The following AP4S1 variants were observed in gnomAD, a reference collection of about 807,000 sequenced individuals.
AP4S1 encodes adaptor related protein complex 4 subunit sigma 1, also known as AP-4 complex subunit sigma-1.
Under a neutral mutation model 19.8 loss-of-function variants are expected in AP4S1, and 23 were observed. That is an observed-to-expected ratio of 1.16 (90% confidence interval 0.84 to 1.65). The LOEUF is 1.65. AP4S1 is among the 40% of genes most tolerant of loss of function. The pLI, the probability that AP4S1 is intolerant of heterozygous loss-of-function variation, is 0.00. For synonymous variants in AP4S1, 46 were observed against 54.1 expected, an observed-to-expected ratio of 0.85 and a Z score of 0.66; for missense variants, 166 against 172.8, an observed-to-expected ratio of 0.96 and a Z score of 0.22.
chr14:31,072,328 G>A (rs930976756), intron 3 of AP4S1, among the ~76,000 whole-genome samples: 4 of 151,848 alleles, frequency 2.6e-5, no homozygotes, highest in Admixed American at 6.6e-5. Context: ...CTCCCACCTC[G>A]GCCTCCCAAA....
At chr14:31,045,557 G>A (rs561890157) in intron 1 of AP4S1, among the ~76,000 whole-genome samples, 2 of 152,194 alleles carry the variant, frequency 1.3e-5, no homozygotes, top group African/African-American at 4.8e-5. Flanking sequence ...TTGTAAGTTT[G>A]CGAGGCCTCC....
In AP4S1 at chr14:31,049,413, C is replaced by A. The variant is rs1350126049; in HGVS notation, c.-71-16713C>A. On this transcript the variant is annotated intron_variant, in intron 1 of 5. Transcript: ENST00000542754. ...TGGGTGACAGAGCAAGACTCGGTCT[C>A]AAAAAAAAAAAAAAAATATATATAT... Among the ~76,000 whole-genome samples, 107 of 43,482 alleles carry A rather than the reference C, an allele frequency of 2.5e-3. 1 individual carries two copies. The highest frequency in any genetic ancestry group is 2.6e-3 in the Non-Finnish European group (68 of 25,718). The allele number at this position is 43,482 out of a possible 152,430, so 28.5% of individuals were successfully genotyped here. A position where few individuals can be genotyped will look rare whatever the true frequency, so the allele number is the denominator to read the frequency against.
chr14:31,071,444 T>C (rs1886995888), intron 3 of AP4S1, among the ~76,000 whole-genome samples: 1 of 152,148 alleles, frequency 6.6e-6, no homozygotes, highest in Non-Finnish European at 1.5e-5. Flanking sequence ...CTTTTGGAGA[T>C]GGAATCTCAC....
chr14:31,029,848 A>C (rs12885360), intron 1 of AP4S1, among the ~76,000 whole-genome samples: 12 of 150,830 alleles, frequency 8.0e-5, no homozygotes, highest in Admixed American at 4.0e-4. Flanking sequence ...CCCTTCCCCC[A>C]CAAAAAAAAA....
intron 1 of AP4S1, among the ~76,000 whole-genome samples, chr14:31,041,919 C>T (rs962886755): frequency 1.3e-5 from 2 of 152,172 alleles, no homozygotes; most frequent in Non-Finnish European, 2.9e-5. Context: ...GCCTCCGCCT[C>T]CCAGGTTCAA....
intron 1 of AP4S1, among the ~76,000 whole-genome samples, chr14:31,027,653 C>T (rs1054278953): frequency 6.6e-6 from 1 of 152,148 alleles, no homozygotes; most frequent in African/African-American, 2.4e-5. Context: ...CAAAGCGAGA[C>T]TCCGTGTCGG....
At chr14:31,069,997 A>T in intron 3 of AP4S1, 68 bp downstream of exon 3, 1 of 1,342,424 alleles carries the variant, frequency 7.4e-7, no homozygotes, top group African/African-American at 1.4e-5. Flanking sequence ...AAGAATTATG[A>T]CTCTCTTGAT....
chr14:31,050,165 A>G lies in AP4S1; in HGVS notation c.-71-15961A>G, dbSNP rs539207321. Among the ~76,000 whole-genome samples, 32 of 151,968 alleles carry G rather than the reference A, an allele frequency of 2.1e-4. 1 individual carries two copies. Among genetic ancestry groups the G allele is most frequent in the Non-Finnish European group, 4.7e-4 (32 of 67,950 alleles). ...TCGAACTCCTGACCTCAGGTGATCCACCTGCCTTGGCCTCCCAAAGTGCTG... is the reference window on the plus strand; with the variant it reads ...TCGAACTCCTGACCTCAGGTGATCCGCCTGCCTTGGCCTCCCAAAGTGCTG... On this transcript the variant is annotated intron_variant, in intron 1 of 5. Transcript: ENST00000542754.
chr14:31,032,797 G>C (rs1282292408), intron 1 of AP4S1, among the ~76,000 whole-genome samples: 1 of 152,102 alleles, frequency 6.6e-6, no homozygotes, highest in East Asian at 1.9e-4. Flanking sequence ...GCCTCCCAAA[G>C]TGCTGGGATT....
intron 5 of AP4S1, among the ~76,000 whole-genome samples, chr14:31,080,933 G>A (rs1024930169): frequency 2.6e-5 from 4 of 151,922 alleles, no homozygotes; most frequent in African/African-American, 4.8e-5. Flanking sequence ...GAGGCATTAC[G>A]GGCGCCCACC....
chr14:31,048,451 A>G (rs573996554), intron 1 of AP4S1, among the ~76,000 whole-genome samples: 31 of 152,038 alleles, frequency 2.0e-4, no homozygotes, highest in Admixed American at 1.9e-3. Flanking sequence ...AGCCAGGACC[A>G]CGCACAGTGA....
At chr14:31,043,923 G>A (rs972979215) in intron 1 of AP4S1, among the ~76,000 whole-genome samples, 4 of 152,124 alleles carry the variant, frequency 2.6e-5, no homozygotes, top group Non-Finnish European at 5.9e-5. Flanking sequence ...ATGCTGATTA[G>A]ATGCTCTTAG....
At chr14:31,057,473 A>G (rs1170076628) in intron 1 of AP4S1, among the ~76,000 whole-genome samples, 1 of 152,240 alleles carries the variant, frequency 6.6e-6, no homozygotes, top group East Asian at 1.9e-4. Flanking sequence ...ATACGCCATC[A>G]GAAATATAAT....
upstream of AP4S1, chr14:31,025,644 G>A (rs571638493): frequency 1.0e-3 from 551 of 541,446 alleles, 8 homozygotes; most frequent in South Asian, 8.3e-3. Context: ...CCCCGCAGAC[G>A]CCATACTAAA....
At chr14:31,087,419 C>G (rs571256481) in intron 5 of AP4S1, among the ~76,000 whole-genome samples, 3 of 152,086 alleles carry the variant, frequency 2.0e-5, no homozygotes, top group Non-Finnish European at 4.4e-5. Flanking sequence ...TGCAGTGGTG[C>G]AATCTCAACT....
chr14:31,069,850 T>A lies in AP4S1; in HGVS notation c.146T>A (p.Phe49Tyr). ...CLSRSNEQCSFIEYKDFKLIY... is the reference protein window; with the variant it reads ...CLSRSNEQCSYIEYKDFKLIY... ...TCATTGTGTTTTGTCTAGTGCTCTT[T>A]CATTGAATATAAGGATTTTAAGCTG... Residue 49 changes from phenylalanine to tyrosine, a missense_variant, in exon 3 of 6, where the codon TTC (phenylalanine) becomes TAC (tyrosine). Coordinates refer to ENST00000542754, the MANE Select transcript of AP4S1 (RefSeq NM_001128126.3). 1 of 1,612,034 alleles carries A rather than the reference T, an allele frequency of 6.2e-7. No individual in the cohort carries two copies. Among genetic ancestry groups the A allele is most frequent in the Non-Finnish European group, 8.5e-7 (1 of 1,178,138 alleles).
At chr14:31,088,126 C>T (rs565414725) in intron 5 of AP4S1, among the ~76,000 whole-genome samples, 2 of 152,214 alleles carry the variant, frequency 1.3e-5, no homozygotes, top group Admixed American at 6.5e-5. Flanking sequence ...GCCAGTAGCC[C>T]GGAAGATGTG....
At chr14:31,058,003 C>T (rs1886218080) in intron 1 of AP4S1, among the ~76,000 whole-genome samples, 1 of 151,622 alleles carries the variant, frequency 6.6e-6, no homozygotes, top group Admixed American at 6.6e-5. Context: ...GATCATAGCT[C>T]ACTGTAGCCT....
chr14:31,056,321 C>A (rs766912310), intron 1 of AP4S1, among the ~76,000 whole-genome samples: 29 of 151,978 alleles, frequency 1.9e-4, no homozygotes, highest in Admixed American at 8.5e-4. Context: ...ACTATGGATG[C>A]ATGTACCTGG....
Sources: allele counts gnomAD v4.1 joint callset (sites outside exome capture counted in the v4.1 genomes callset), GRCh38; gene constraint gnomAD v4.1.1; transcripts MANE v1.5; gene names NCBI Gene and HGNC (gene_info 2026-07-23, HGNC 2026-07-21).